Variants in CTNNA2 observed in about 807,000 individuals in gnomAD.
CTNNA2 encodes catenin alpha 2, also known as catenin alpha-2.
A neutral mutation model predicts 101.0 loss-of-function variants in CTNNA2; 42 were observed. The ratio of observed to expected loss-of-function variants is 0.42; its 90% CI spans 0.32 to 0.54. CTNNA2 has a LOEUF of 0.54. Ranked by LOEUF, CTNNA2 falls within the 20% of genes least tolerant of loss-of-function variation. The pLI is 0.14. For synonymous variants in CTNNA2, 450 were observed against 456.4 expected (o/e 0.99, Z 0.18); for missense variants, 871 against 1,223.1 (o/e 0.71, Z 4.29).
At chr2:80,393,136 C>A in intron 7 of CTNNA2, 75 bp from the exon 8 acceptor site, 1 of 1,094,756 alleles carries the variant, frequency 9.1e-7, no homozygotes, top group Non-Finnish European at 1.3e-6. Context: ...CTCATGTTTT[C>A]CTGATTTTTT....
At chr2:80,271,674 G>A (rs1001503348) in intron 7 of CTNNA2, among the ~76,000 whole-genome samples, 5 of 151,912 alleles carry the variant, frequency 3.3e-5, no homozygotes, top group Admixed American at 6.6e-5. Context: ...TACCTGCCTC[G>A]GCCTCCCAAA....
At chr2:79,425,206 G>T (rs1038703543) in intron 4 of CTNNA2, among the ~76,000 whole-genome samples, 2 of 152,158 alleles carry the variant, frequency 1.3e-5, no homozygotes, top group Non-Finnish European at 2.9e-5. Context: ...AAGAGTGGAT[G>T]ATTAGCAGTG....
intron 7 of CTNNA2, among the ~76,000 whole-genome samples, chr2:80,062,586 T>G (rs1411445220): frequency 2.0e-5 from 3 of 152,234 alleles, no homozygotes; most frequent in African/African-American, 7.2e-5. Context: ...AATTCTTTTA[T>G]TCTCTCTATC....
intron 9 of CTNNA2, among the ~76,000 whole-genome samples, chr2:80,499,748 G>A (rs1002669351): frequency 9.9e-5 from 15 of 151,974 alleles, no homozygotes; most frequent in African/African-American, 2.7e-4. Context: ...TTGAACCTGC[G>A]AGGCAGAGGC....
In CTNNA2 at chr2:80,103,781, C is replaced by G. The variant is rs1700701352; in HGVS notation, c.1056+193984C>G. 1.3e-5 allele frequency among the ~76,000 whole-genome samples: 2 copies of G among 152,228 alleles called. 1 individual carries two copies. Among genetic ancestry groups the G allele is most frequent in the Admixed American group, 1.3e-4 (2 of 15,282 alleles). On this transcript the variant is annotated intron_variant, in intron 7 of 18. Transcript: ENST00000402739. ...ACAGAGTCTCACTCTGTTACCCAGG[C>G]TGGAGTGCAGTGGCGTGATCTTGGC...
At chr2:79,213,472 C>T (rs1480088802) in intron 2 of CTNNA2, among the ~76,000 whole-genome samples, 3 of 152,092 alleles carry the variant, frequency 2.0e-5, no homozygotes, top group Non-Finnish European at 4.4e-5. Flanking sequence ...GCAACTAGTT[C>T]GGCTTGCTGA....
chr2:80,611,366 A>AT (rs1698456808), intron 17 of CTNNA2, among the ~76,000 whole-genome samples: 1 of 117,562 alleles, frequency 8.5e-6, no homozygotes, highest in South Asian at 3.1e-4. Flanking sequence ...AGAAAAGAAA[A>AT]AAGAAAGAGA....
chr2:80,139,904 C>A (rs1702904500), intron 7 of CTNNA2, among the ~76,000 whole-genome samples: 2 of 152,170 alleles, frequency 1.3e-5, no homozygotes, highest in South Asian at 4.1e-4. Flanking sequence ...CAAAAAAAGC[C>A]TGTCCCGGTG....
intron 9 of CTNNA2, among the ~76,000 whole-genome samples, chr2:80,502,087 G>A (rs2149534501): frequency 6.6e-6 from 1 of 152,258 alleles, no homozygotes; most frequent in Admixed American, 6.5e-5. Flanking sequence ...CCTGCTATAT[G>A]CCAGCAAATA....
chr2:79,329,297 T>A (rs1676817419), intron 3 of CTNNA2, among the ~76,000 whole-genome samples: 1 of 152,170 alleles, frequency 6.6e-6, no homozygotes, highest in Non-Finnish European at 1.5e-5. Context: ...TAGATGGGCA[T>A]CATGCTTACT....
At chr2:79,530,320 CT>C (rs1672661162) in intron 1 of CTNNA2, among the ~76,000 whole-genome samples, 1 of 152,114 alleles carries the variant, frequency 6.6e-6, no homozygotes, top group African/African-American at 2.4e-5. Context: ...AACAGGATGC[CT>C]CACTTCTCCA....
At chr2:80,591,103 C>G (rs139160222) in intron 15 of CTNNA2, among the ~76,000 whole-genome samples, 1 of 152,028 alleles carries the variant, frequency 6.6e-6, no homozygotes, top group African/African-American at 2.4e-5. Flanking sequence ...TTATAATTCT[C>G]TAGATTATAT....
intron 1 of CTNNA2, among the ~76,000 whole-genome samples, chr2:79,568,625 G>A (rs13425217): frequency 0.038 from 5,797 of 151,648 alleles, 164 homozygotes; most frequent in African/African-American, 0.073. Flanking sequence ...AAAAGAAAAG[G>A]AAAGAAAAGA....
intron 7 of CTNNA2, 95 bp downstream of exon 7, chr2:79,909,892 G>C: frequency 7.9e-7 from 1 of 1,267,584 alleles, no homozygotes; most frequent in South Asian, 1.6e-5. Flanking sequence ...AAAGAGAACA[G>C]ACCAGGTGTT....
chr2:79,522,906 C>T (rs1045361260), intron 1 of CTNNA2, among the ~76,000 whole-genome samples: 4 of 152,048 alleles, frequency 2.6e-5, no homozygotes, highest in African/African-American at 4.8e-5. Context: ...GTAATAAATG[C>T]CCATTGTAGA....
intron 13 of CTNNA2, 40 bp downstream of exon 13, chr2:80,574,354 CT>C (rs748468813): frequency 6.6e-7 from 1 of 1,514,036 alleles, no homozygotes; most frequent in Non-Finnish European, 8.9e-7. Flanking sequence ...GTCAGATCTC[CT>C]AGTAGGAAAC....
chr2:80,349,406 T>C (rs545323741), intron 7 of CTNNA2, among the ~76,000 whole-genome samples: 10 of 152,260 alleles, frequency 6.6e-5, no homozygotes, highest in Admixed American at 5.2e-4. Flanking sequence ...TATTCTGGCA[T>C]AAACTATTCT....
At chr2:80,140,572 C>G (rs1702952447) in intron 7 of CTNNA2, among the ~76,000 whole-genome samples, 1 of 152,120 alleles carries the variant, frequency 6.6e-6, no homozygotes, top group South Asian at 2.1e-4. Flanking sequence ...TCCAACCCCA[C>G]CAGGAGGTCA....
intron 1 of CTNNA2, among the ~76,000 whole-genome samples, chr2:79,591,145 A>G (rs774595296): frequency 2.0e-5 from 3 of 152,238 alleles, no homozygotes; most frequent in Non-Finnish European, 4.4e-5. Context: ...GAAGCAAATT[A>G]CTATAAATCT....
Sources: allele counts gnomAD v4.1 joint callset (sites outside exome capture counted in the v4.1 genomes callset), GRCh38; gene constraint gnomAD v4.1.1; transcripts MANE v1.5; gene names NCBI Gene and HGNC (gene_info 2026-07-23, HGNC 2026-07-21).